Variants in VSNL1 observed in about 807,000 individuals in gnomAD.
The protein encoded by VSNL1 is visinin-like protein 1.
A neutral mutation model predicts 20.4 loss-of-function variants in VSNL1; 6 were observed. The observed-to-expected ratio is 0.29, with a 90% CI of 0.16 to 0.58. VSNL1 has a LOEUF of 0.58. VSNL1 is among the 20% of genes least tolerant of loss of function. VSNL1 has a pLI of 0.90. For missense variants in VSNL1, 100 were observed against 234.5 expected (o/e 0.43, Z 3.75); for synonymous variants, 93 against 86.4 (o/e 1.08, Z -0.42).
chr2:17,638,868 T>A (rs1333175733), intron 2 of VSNL1, among the ~76,000 whole-genome samples: 2 of 152,222 alleles, frequency 1.3e-5, no homozygotes, highest in East Asian at 3.9e-4. Flanking sequence ...GGAGGGCCCC[T>A]TCCCAGGGGA....
intron 3 of VSNL1, among the ~76,000 whole-genome samples, chr2:17,654,924 C>G (rs1666193907): frequency 6.6e-6 from 1 of 152,178 alleles, no homozygotes; most frequent in Admixed American, 6.5e-5. Flanking sequence ...AAGCCCTGGA[C>G]TTACAGGAGC....
chr2:17,612,199 T>C (rs762291989), intron 2 of VSNL1, among the ~76,000 whole-genome samples: 1 of 152,208 alleles, frequency 6.6e-6, no homozygotes, highest in Admixed American at 6.5e-5. Context: ...CTTTGCCGCA[T>C]GGTCCTTTTT....
At chr2:17,545,660 G>A (rs1045829757) in intron 1 of VSNL1, among the ~76,000 whole-genome samples, 8 of 152,202 alleles carry the variant, frequency 5.3e-5, no homozygotes, top group South Asian at 4.1e-4. Flanking sequence ...AATAGTTTGC[G>A]TTGCTCCCAG....
intron 1 of VSNL1, among the ~76,000 whole-genome samples, chr2:17,572,508 A>T (rs1371621968): frequency 6.6e-6 from 1 of 152,188 alleles, no homozygotes; most frequent in South Asian, 2.1e-4. Context: ...AGTAATTAAC[A>T]CTAAAAAAGA....
chr2:17,579,823 C>G (rs1572344643), intron 1 of VSNL1, among the ~76,000 whole-genome samples: 1 of 152,278 alleles, frequency 6.6e-6, no homozygotes, highest in East Asian at 1.9e-4. Context: ...CCTTTACAAA[C>G]AATGAATTAA....
chr2:17,583,989 C>G (rs1664409683), intron 1 of VSNL1, among the ~76,000 whole-genome samples: 1 of 152,154 alleles, frequency 6.6e-6, no homozygotes, highest in Non-Finnish European at 1.5e-5. Flanking sequence ...ATGGAAGGCA[C>G]TGTTGGAAAA....
intron 1 of VSNL1, among the ~76,000 whole-genome samples, chr2:17,574,032 G>A (rs2103358723): frequency 1.3e-5 from 2 of 152,314 alleles, no homozygotes; most frequent in East Asian, 3.9e-4. Context: ...TTAGCAGCAA[G>A]GAAGCCATTT....
At chr2:17,627,763 G>A (rs1350315916) in intron 2 of VSNL1, among the ~76,000 whole-genome samples, 1 of 152,242 alleles carries the variant, frequency 6.6e-6, no homozygotes, top group Non-Finnish European at 1.5e-5. Flanking sequence ...AGTGATTGAG[G>A]AAGTTGCAAA....
At chr2:17,635,834 T>C (rs757456589) in intron 2 of VSNL1, among the ~76,000 whole-genome samples, 10 of 152,176 alleles carry the variant, frequency 6.6e-5, no homozygotes, top group Admixed American at 1.3e-4. Flanking sequence ...CATTTACTCA[T>C]GGGATTTATC....
intron 2 of VSNL1, among the ~76,000 whole-genome samples, chr2:17,600,866 A>G (rs1664805903): frequency 6.6e-6 from 1 of 152,172 alleles, no homozygotes; most frequent in Admixed American, 6.5e-5. Flanking sequence ...GACAATAATA[A>G]TCTAGAGTTC....
chr2:17,628,568 A>T (rs1665561450), intron 2 of VSNL1, among the ~76,000 whole-genome samples: 1 of 152,168 alleles, frequency 6.6e-6, no homozygotes, highest in Admixed American at 6.5e-5. Flanking sequence ...AGGGAGAAAG[A>T]TTTGTGAGGA....
At chr2:17,591,478 C>T (rs959410523) in intron 1 of VSNL1, among the ~76,000 whole-genome samples, 12 of 152,126 alleles carry the variant, frequency 7.9e-5, no homozygotes, top group African/African-American at 2.9e-4. Flanking sequence ...CAATGTTGTA[C>T]GAACTTTCTA....
chr2:17,628,779 C>G (rs1225626914), intron 2 of VSNL1, among the ~76,000 whole-genome samples: 1 of 152,232 alleles, frequency 6.6e-6, no homozygotes, highest in African/African-American at 2.4e-5. Context: ...TGAGCTCAGC[C>G]ACCTGCCTGT....
intron 1 of VSNL1, among the ~76,000 whole-genome samples, chr2:17,586,731 C>T (rs930681371): frequency 7.9e-5 from 12 of 152,150 alleles, no homozygotes; most frequent in East Asian, 7.7e-4. Flanking sequence ...TTAATTATGC[C>T]ATGGGTCATT....
intron 1 of VSNL1, among the ~76,000 whole-genome samples, chr2:17,564,379 C>A (rs918139493): frequency 6.6e-6 from 1 of 152,154 alleles, no homozygotes; most frequent in African/African-American, 2.4e-5. Context: ...GCATATTTAT[C>A]ATTAAATGTA....
chr2:17,655,028 G>C lies in VSNL1; in HGVS notation c.379-169G>C, dbSNP rs1483575562. Reference sequence around the variant, plus strand: ...GAGATGTATTCTGTTGGGGGAAATGGTATGGGTTGTCACAGAAACTTGCAG... The same window carrying C: ...GAGATGTATTCTGTTGGGGGAAATGCTATGGGTTGTCACAGAAACTTGCAG... On this transcript the variant is annotated intron_variant, in intron 3 of 3. Coordinates refer to ENST00000295156, the MANE Select transcript of VSNL1 (RefSeq NM_003385.5). This position sits in a 1 kb window ranked among gnomAD's most constrained non-coding sequence, Gnocchi z 5.2. Among the ~76,000 whole-genome samples the C allele has an allele frequency of 6.6e-6, 1 of 152,220 alleles. No individual in the cohort carries two copies. The highest frequency in any genetic ancestry group is 1.9e-4 in the East Asian group (1 of 5,198).
chr2:17,629,453 A>C (rs1665583361), intron 2 of VSNL1, among the ~76,000 whole-genome samples: 1 of 152,188 alleles, frequency 6.6e-6, no homozygotes, highest in Admixed American at 6.5e-5. Flanking sequence ...CTGAGATCTA[A>C]GCTATAGCAA....
chr2:17,548,345 T>C (rs1663447679), intron 1 of VSNL1, among the ~76,000 whole-genome samples: 1 of 152,140 alleles, frequency 6.6e-6, no homozygotes, highest in South Asian at 2.1e-4. Flanking sequence ...TTCAGGCATA[T>C]TTCTAATCTG....
intron 1 of VSNL1, among the ~76,000 whole-genome samples, chr2:17,544,130 A>G (rs1180423078): frequency 1.3e-5 from 2 of 152,224 alleles, no homozygotes; most frequent in African/African-American, 4.8e-5. Context: ...TCTCTTTCTC[A>G]TTTCAAAGAG....
Sources: allele counts gnomAD v4.1 joint callset (sites outside exome capture counted in the v4.1 genomes callset), GRCh38; gene constraint gnomAD v4.1.1; non-coding constraint Gnocchi (gnomAD v3.1); transcripts MANE v1.5; gene names NCBI Gene and HGNC (gene_info 2026-07-23, HGNC 2026-07-21).